Variants in CCDC43 observed in about 807,000 individuals in gnomAD.
The protein encoded by CCDC43 is coiled-coil domain containing 43.
CCDC43 carries 20 observed loss-of-function variants against 33.3 expected under a neutral mutation model. That is an observed-to-expected ratio of 0.60 (90% CI 0.42 to 0.87). The LOEUF (loss-of-function observed/expected upper bound fraction) is 0.87. Among genes scored for constraint, CCDC43 ranks in the 40% least tolerant of loss-of-function variants. The pLI is 0.00. For synonymous variants in CCDC43, 104 were observed against 106.5 expected (o/e 0.98, Z 0.14); for missense variants, 248 against 269.9 (o/e 0.92, Z 0.57).
rs749037945 is a variant in CCDC43 at position 44,678,616 on chromosome 17, T to C, written c.*240A>G. The C allele has an allele frequency of 2.6e-6, 1 of 389,566 alleles. No individual in the cohort carries two copies. Among genetic ancestry groups the C allele is most frequent in the Non-Finnish European group, 4.6e-6 (1 of 219,146 alleles). The allele number at this position is 389,566 out of a possible 1,614,324, so 24.1% of individuals were successfully genotyped here. A position where few individuals can be genotyped will look rare whatever the true frequency, so the allele number is the denominator to read the frequency against. On this transcript the variant is annotated 3_prime_UTR_variant, in exon 5 of 5. Transcript: ENST00000315286. Reference sequence around the variant, plus strand: ...AGCACAGGACTTGAGTATTAAAATATAAAGGTGGCCCCCATTCCAGATCTT... The same window carrying C: ...AGCACAGGACTTGAGTATTAAAATACAAAGGTGGCCCCCATTCCAGATCTT...
chr17:44,688,061 C>T (rs189876970), intron 1 of CCDC43: 11 of 152,286 alleles, frequency 7.2e-5, no homozygotes, highest in Admixed American at 5.2e-4. Flanking sequence ...TCCGCTTTCA[C>T]AAAACACTTT....
chr17:44,688,191 C>T (rs1972269747), intron 1 of CCDC43: 1 of 152,098 alleles, frequency 6.6e-6, no homozygotes, highest in South Asian at 2.1e-4. Context: ...CACTCTGTCA[C>T]CCAAGCTGGA....
intron 1 of CCDC43, chr17:44,688,033 T>A (rs1378791475): frequency 6.6e-6 from 1 of 152,244 alleles, no homozygotes; most frequent in Non-Finnish European, 1.5e-5. Flanking sequence ...TGTGAGTGAT[T>A]TTTTCCTAGC....
chr17:44,680,568 G>A lies in CCDC43; in HGVS notation c.487+17C>T. On this transcript the variant is annotated intron_variant, in intron 4 of 4. Coordinates refer to ENST00000315286, the MANE Select transcript of CCDC43 (RefSeq NM_144609.3). Reference sequence around the variant, plus strand: ...GACTCTATGGAGAAACACATAGGGAGGGACCCAGAAGGATACGTTTGTCAG... The same window carrying A: ...GACTCTATGGAGAAACACATAGGGAAGGACCCAGAAGGATACGTTTGTCAG... The A allele has an allele frequency of 1.3e-6, 2 of 1,588,984 alleles. No individual in the cohort carries two copies. Among genetic ancestry groups the A allele is most frequent in the Non-Finnish European group, 1.7e-6 (2 of 1,158,210 alleles).
chr17:44,689,704 C>A lies in CCDC43; in HGVS notation c.50G>T (p.Gly17Val). 6.2e-7 allele frequency: 1 copy of A among 1,602,610 alleles called. No individual in the cohort carries two copies. Among genetic ancestry groups the A allele is most frequent in the Non-Finnish European group, 8.5e-7 (1 of 1,175,194 alleles). The change falls in exon 1 of 5, where the codon GGC (glycine) becomes GTC (valine). Residue 17 changes from glycine (G) to valine (V), a missense_variant. By Grantham distance (109) the Gly-to-Val change is moderately radical. Coordinates refer to ENST00000315286, the MANE Select transcript of CCDC43 (RefSeq NM_144609.3). ...VAAIAPGEGDGGGGGFGSWLD... is the reference protein window; with the variant it reads ...VAAIAPGEGDVGGGGFGSWLD... ...CCAGGAGCCAAAGCCGCCGCCTCCG[C>A]CATCGCCTTCGCCAGGGGCTATCGC... is the stretch of plus-strand genomic sequence containing the variant.
At chr17:44,689,286 G>C (rs1247140206) in intron 1 of CCDC43, 2 of 510,580 alleles carry the variant, frequency 3.9e-6, no homozygotes, top group African/African-American at 3.8e-5. Flanking sequence ...AACCCTCCTC[G>C]GCTCACTCAC....
In CCDC43 at chr17:44,678,984, A is replaced by G. The variant is rs1186642912; in HGVS notation, c.547T>C (p.Ser183Pro). The change falls in exon 5 of 5, where the codon TCA becomes CCA. Residue 183 changes from serine to proline, a missense_variant. By Grantham distance (74) the Ser-to-Pro change is moderately conservative (BLOSUM62 -1). Transcript: ENST00000315286. ...VLNARKLERD[S>P]LRDESQRKKE... ...TTCCTTTGGGATTCATCCCGAAGTG[A>G]GTCTCGCTCCAGTTTTCGGGCATTA... 1.2e-6 allele frequency: 2 copies of G among 1,613,514 alleles called. No homozygotes were observed. The highest frequency in any genetic ancestry group is 1.1e-5 in the South Asian group (1 of 91,058).
At chr17:44,688,596 A>G (rs142857396) in intron 1 of CCDC43, among the ~76,000 whole-genome samples, 90 of 152,366 alleles carry the variant, frequency 5.9e-4, no homozygotes, top group African/African-American at 2.0e-3. Flanking sequence ...CACAGTAGCA[A>G]TCAGGTATCC....
chr17:44,683,059 G>A (rs1972185147), intron 2 of CCDC43, among the ~76,000 whole-genome samples: 1 of 152,142 alleles, frequency 6.6e-6, no homozygotes, highest in Non-Finnish European at 1.5e-5. Context: ...CCAAAACTGA[G>A]AACCAACAGT....
chr17:44,684,666 C>T (rs1292312558), intron 1 of CCDC43, among the ~76,000 whole-genome samples: 2 of 150,558 alleles, frequency 1.3e-5, no homozygotes, highest in Non-Finnish European at 3.0e-5. Context: ...CACTGCACTC[C>T]AGCCTGGGAG....
intron 1 of CCDC43, among the ~76,000 whole-genome samples, chr17:44,686,537 A>G (rs1972239980): frequency 6.6e-6 from 1 of 152,226 alleles, no homozygotes; most frequent in Non-Finnish European, 1.5e-5. Flanking sequence ...GGGAACTCTT[A>G]AGAGGACAAA....
intron 3 of CCDC43, among the ~76,000 whole-genome samples, chr17:44,681,095 C>T (rs922855205): frequency 2.0e-5 from 3 of 152,072 alleles, no homozygotes; most frequent in Non-Finnish European, 2.9e-5. Flanking sequence ...GAAATTATGT[C>T]ACCGGAACCA....
intron 2 of CCDC43, 41 bp from the exon 3 acceptor site, chr17:44,682,179 G>T: frequency 6.2e-7 from 1 of 1,612,448 alleles, no homozygotes; most frequent in South Asian, 1.1e-5. Flanking sequence ...GTATGAGAGA[G>T]AACAAGCTCA....
In CCDC43 at chr17:44,678,770, T is replaced by G. The variant is rs141206754; in HGVS notation, c.*86A>C. 9 of 1,331,888 alleles carry G rather than the reference T, an allele frequency of 6.8e-6. No individual in the cohort carries two copies. Among genetic ancestry groups the G allele is most frequent in the Admixed American group, 5.2e-5 (2 of 38,534 alleles). The allele number at this position is 1,331,888 out of a possible 1,614,324, so 82.5% of individuals were successfully genotyped here. ...AGGGGAAATGCCTTGGGAAACTACTTTGCAATGCACTCTCATTTCTCTTAA... is the reference window on the plus strand; with the variant it reads ...AGGGGAAATGCCTTGGGAAACTACTGTGCAATGCACTCTCATTTCTCTTAA... On this transcript the variant is annotated 3_prime_UTR_variant, in exon 5 of 5. Transcript: ENST00000315286.
In CCDC43 at chr17:44,678,797, T is replaced by C; in HGVS notation, c.*59A>G. ...GCAATGCACTCTCATTTCTCTTAAA[T>C]ACACAACCAGTTCTCCCTTTGATAA... On this transcript the variant is annotated 3_prime_UTR_variant, in exon 5 of 5. Coordinates refer to ENST00000315286, the MANE Select transcript of CCDC43 (RefSeq NM_144609.3). 4.0e-6 allele frequency: 6 copies of C among 1,513,046 alleles called. No individual in the cohort carries two copies. Among genetic ancestry groups the C allele is most frequent in the Non-Finnish European group, 5.4e-6 (6 of 1,118,896 alleles). 93.7% of individuals were successfully genotyped at this position (1,513,046 alleles called of 1,614,324 possible). A position where few individuals can be genotyped will look rare whatever the true frequency, so the allele number is the denominator to read the frequency against.
At chr17:44,682,653 C>T (rs1162877616) in intron 2 of CCDC43, among the ~76,000 whole-genome samples, 4 of 151,942 alleles carry the variant, frequency 2.6e-5, no homozygotes, top group Non-Finnish European at 4.4e-5. Flanking sequence ...GTCAGGAGAT[C>T]GAGACCATCC....
rs759647993 is a variant in CCDC43 at position 44,682,091 on chromosome 17, C to T, written c.340G>A (p.Val114Ile). 1.7e-5 allele frequency: 28 copies of T among 1,613,880 alleles called. No homozygotes were observed. Among genetic ancestry groups the T allele is most frequent in the African/African-American group, 9.3e-5 (7 of 74,926 alleles). ...ATLIEKQAQI[V>I]VKPRMVSEEE... is the part of the protein sequence containing the mutation. ...TCTGACACCATCCTTGGCTTTACTA[C>T]GATTTGTGCCTGCTTCTCAATTAGG... The change falls in exon 3 of 5, where the codon GTA becomes ATA. Residue 114 changes from valine (V) to isoleucine (I), a missense_variant. Coordinates refer to ENST00000315286, the MANE Select transcript of CCDC43 (RefSeq NM_144609.3).
intron 4 of CCDC43, 72 bp from the exon 5 acceptor site, chr17:44,679,115 T>G: frequency 8.2e-7 from 1 of 1,220,188 alleles, no homozygotes; most frequent in Non-Finnish European, 1.2e-6. Context: ...CTCATTCTAC[T>G]TATCCTCTCT....
In CCDC43 at chr17:44,683,968, A is replaced by G. The variant is rs1176833214; in HGVS notation, c.205-9T>C. ...AGGAGGGAATCTTCTTCCTAGTTGG[A>G]AAAGCAGACCAATTAATTTCCTGAG... On this transcript the variant is annotated splice_polypyrimidine_tract_variant and intron_variant, in intron 1 of 4. Coordinates refer to ENST00000315286, the MANE Select transcript of CCDC43 (RefSeq NM_144609.3). The G allele has an allele frequency of 6.3e-7, 1 of 1,583,600 alleles. No individual in the cohort carries two copies. The highest frequency in any genetic ancestry group is 8.7e-7 in the Non-Finnish European group (1 of 1,152,506).
Sources: allele counts gnomAD v4.1 joint callset (sites outside exome capture counted in the v4.1 genomes callset), GRCh38; gene constraint gnomAD v4.1.1; transcripts MANE v1.5; gene names NCBI Gene and HGNC (gene_info 2026-07-23, HGNC 2026-07-21).